WDFY4: variants seen among roughly 807,000 people sequenced by gnomAD.
The protein encoded by WDFY4 is WDFY family member 4.
A neutral mutation model predicts 351.9 loss-of-function variants in WDFY4; 169 were observed. That is an observed-to-expected ratio of 0.48 (90% CI 0.42 to 0.55). WDFY4 has a LOEUF of 0.55. WDFY4 is among the 20% of genes least tolerant of loss of function. The pLI, the probability that WDFY4 is intolerant of heterozygous loss-of-function variation, is 0.00. For synonymous variants in WDFY4, 1,622 were observed against 1,574.6 expected, an observed-to-expected ratio of 1.03 and a Z score of -0.71; for missense variants, 3,803 against 3,935.6, an observed-to-expected ratio of 0.97 and a Z score of 0.90.
intron 12 of WDFY4, among the ~76,000 whole-genome samples, chr10:48,758,190 C>T (rs894786822): frequency 6.6e-6 from 1 of 152,122 alleles, no homozygotes; most frequent in African/African-American, 2.4e-5. Flanking sequence ...ATTCTGGAAG[C>T]ATGTGGATAT....
Position 48,832,706 on chromosome 10 carries a change from A to G in WDFY4, c.6660A>G (p.Thr2220=). ...AGGCCAAGGACCCTGAGTGCAAGAC[A>G]GAGGTGAGCCCAGACCCCTTTTCCT... ...GRQAKDPECK[T]EDFVSCIENY... is the part of the protein sequence containing the mutation. Residue 2220 remains threonine (T), a synonymous_variant, in exon 39 of 62, where the codon ACA becomes ACG. Coordinates refer to ENST00000325239, the MANE Select transcript of WDFY4 (RefSeq NM_001394531.1). The G allele has an allele frequency of 6.5e-7, 1 of 1,542,986 alleles. No homozygotes were observed. The highest frequency in any genetic ancestry group is 8.8e-7 in the Non-Finnish European group (1 of 1,141,766).
chr10:48,823,909 C>G, intron 35 of WDFY4: 1 of 985,692 alleles, frequency 1.0e-6, no homozygotes, highest in South Asian at 4.7e-5. Flanking sequence ...CAAACCCCAA[C>G]AGGTTTAAAC....
intron 27 of WDFY4, 113 bp from the exon 28 acceptor site, chr10:48,807,746 C>T (rs2132889097): frequency 8.2e-7 from 1 of 1,222,620 alleles, no homozygotes; most frequent in Non-Finnish European, 1.1e-6. Context: ...TGAGTCCCAG[C>T]CATGCCACAA....
At chr10:48,913,312 G>A in intron 47 of WDFY4, 1 of 1,366,386 alleles carries the variant, frequency 7.3e-7, no homozygotes, top group Non-Finnish European at 1.0e-6. Context: ...GGGAGCCCTT[G>A]GTTTCCTGTG....
intron 51 of WDFY4, among the ~76,000 whole-genome samples, chr10:48,953,595 A>T (rs886938174): frequency 1.3e-5 from 2 of 152,120 alleles, no homozygotes; most frequent in Non-Finnish European, 2.9e-5. Context: ...CCTGTAAGTG[A>T]GTTGTTTGCA....
At chr10:48,814,959 A>G (rs931105755) in intron 31 of WDFY4, among the ~76,000 whole-genome samples, 1 of 152,196 alleles carries the variant, frequency 6.6e-6, no homozygotes, top group African/African-American at 2.4e-5. Flanking sequence ...AAGTGAAAAA[A>G]CATGGTAATC....
At chr10:48,726,502 T>C (rs1195844054) in intron 6 of WDFY4, among the ~76,000 whole-genome samples, 2 of 152,188 alleles carry the variant, frequency 1.3e-5, no homozygotes, top group Admixed American at 1.3e-4. Flanking sequence ...ACTTTCAAAC[T>C]TAAAGATGCC....
chr10:48,897,782 A>G (rs1197120083), intron 45 of WDFY4, among the ~76,000 whole-genome samples: 1 of 152,240 alleles, frequency 6.6e-6, no homozygotes, highest in Non-Finnish European at 1.5e-5. Context: ...TCCACTCTGC[A>G]GTCCTTGCCG....
Position 48,848,162 on chromosome 10 carries a change from G to C in WDFY4, c.6663+15453G>C, listed in dbSNP as rs181026532. On this transcript the variant is annotated intron_variant, in intron 39 of 61. Transcript: ENST00000325239. Reference sequence around the variant, plus strand: ...CATAGCTTGCTGTGGAGCCCAGGCTGTCCCGTCACTCAGTACACACTGTGC... The same window carrying C: ...CATAGCTTGCTGTGGAGCCCAGGCTCTCCCGTCACTCAGTACACACTGTGC... Among the ~76,000 whole-genome samples, 926 of 152,270 alleles carry C rather than the reference G, an allele frequency of 6.1e-3. 18 individuals are homozygous for C. The highest frequency in any genetic ancestry group is 0.038 in the Admixed American group (574 of 15,302).
chr10:48,715,944 C>T (rs562106290), intron 2 of WDFY4, among the ~76,000 whole-genome samples: 24 of 152,118 alleles, frequency 1.6e-4, no homozygotes, highest in African/African-American at 5.3e-4. Flanking sequence ...CCACCGCGCC[C>T]GGCCACCAAC....
At chr10:48,726,115 C>T in intron 6 of WDFY4, 45 bp downstream of exon 6, 2 of 1,515,820 alleles carry the variant, frequency 1.3e-6, no homozygotes, top group Non-Finnish European at 1.8e-6. Flanking sequence ...CATGCAAGGG[C>T]TTCCCTTGAA....
At chr10:48,851,711 G>A (rs180697640) in intron 39 of WDFY4, among the ~76,000 whole-genome samples, 27 of 152,376 alleles carry the variant, frequency 1.8e-4, no homozygotes, top group South Asian at 6.2e-4. Flanking sequence ...AGTGGTTAGC[G>A]GGTGTTTCCT....
At chr10:48,867,162 T>G (rs1192212885) in intron 39 of WDFY4, 103 bp from the exon 40 acceptor site, 1 of 269,478 alleles carries the variant, frequency 3.7e-6, no homozygotes, top group East Asian at 2.7e-4. Flanking sequence ...AGAATGAGAC[T>G]GTGTCTCAAA....
chr10:48,758,655 C>G (rs1004572844), intron 12 of WDFY4, among the ~76,000 whole-genome samples: 1 of 152,152 alleles, frequency 6.6e-6, no homozygotes, highest in East Asian at 1.9e-4. Flanking sequence ...GCTCCATCTT[C>G]GTGTTCATGG....
At position 48,830,823 on chromosome 10, in the gene WDFY4, A is replaced by G; in HGVS notation, c.6464A>G (p.Lys2155Arg). The G allele has an allele frequency of 1.3e-6, 2 of 1,551,666 alleles. No homozygotes were observed. Among genetic ancestry groups the G allele is most frequent in the Non-Finnish European group, 1.7e-6 (2 of 1,146,958 alleles). Residue 2155 changes from lysine to arginine, a missense_variant, in exon 38 of 62, where the codon AAG becomes AGG. Around this residue, in one of 3 missense-constraint regions of WDFY4, gnomAD observed 3,054 missense variants for 3,148.6 expected, o/e 0.97. Transcript: ENST00000325239. ...LSVKPGEREV[K>R]IEEVTPLWEE... ...GTGAAACCTGGAGAGAGGGAAGTGA[A>G]GATTGAAGAGGTCACACCGCTCTGG...
In WDFY4 at chr10:48,826,693, A is replaced by C; in HGVS notation, c.6005A>C (p.Gln2002Pro). The C allele has an allele frequency of 6.4e-7, 1 of 1,551,588 alleles. No individual in the cohort carries two copies. Among genetic ancestry groups the C allele is most frequent in the Non-Finnish European group, 8.7e-7 (1 of 1,146,888 alleles). Reference protein sequence around the residue: ...IMVVIETASSQRDTVLSTLYS... With the variant: ...IMVVIETASSPRDTVLSTLYS... ...CAGGTCATTGAGACTGCCTCTTCTCAAAGGGACACTGTCCTCAGCACTTTA... is the reference window on the plus strand; with the variant it reads ...CAGGTCATTGAGACTGCCTCTTCTCCAAGGGACACTGTCCTCAGCACTTTA... The change falls in exon 36 of 62, where the codon CAA becomes CCA. Residue 2002 changes from glutamine to proline, a missense_variant. Gln to Pro is a moderately conservative substitution (Grantham distance 76, BLOSUM62 -1). Transcript: ENST00000325239.
intron 47 of WDFY4, chr10:48,913,579 T>A: frequency 6.2e-7 from 1 of 1,613,936 alleles, no homozygotes; most frequent in Non-Finnish European, 8.5e-7. Context: ...TCCAGCCTCC[T>A]GATGGAGTCT....
At chr10:48,843,570 A>ATG (rs2068678706) in intron 39 of WDFY4, among the ~76,000 whole-genome samples, 1 of 152,214 alleles carries the variant, frequency 6.6e-6, no homozygotes. Flanking sequence ...CAGAAAAAAA[A>ATG]TGTATACTGT....
At chr10:48,918,847 A>G (rs1838788501) in intron 47 of WDFY4, among the ~76,000 whole-genome samples, 1 of 152,206 alleles carries the variant, frequency 6.6e-6, no homozygotes, top group East Asian at 1.9e-4. Context: ...CTGGTTGCCA[A>G]TAGCTGCCCA....
Sources: allele counts gnomAD v4.1 joint callset (sites outside exome capture counted in the v4.1 genomes callset), GRCh38; gene constraint gnomAD v4.1.1; regional missense constraint gnomAD v4.1.1; transcripts MANE v1.5; gene names NCBI Gene and HGNC (gene_info 2026-07-23, HGNC 2026-07-21).